Variants in NAPA observed in about 807,000 individuals in gnomAD.
NAPA encodes NSF attachment protein alpha, also known as alpha-soluble NSF attachment protein.
NAPA carries 18 observed loss-of-function variants against 48.0 expected under a neutral mutation model. The observed-to-expected ratio is 0.38, with a 90% CI of 0.26 to 0.56. NAPA has a LOEUF of 0.56. Among genes scored for constraint, NAPA ranks in the 20% least tolerant of loss-of-function variants. NAPA has a pLI of 0.77. For synonymous variants in NAPA, 152 were observed against 149.9 expected, an observed-to-expected ratio of 1.01 and a Z score of -0.10; for missense variants, 315 against 385.0, an observed-to-expected ratio of 0.82 and a Z score of 1.52.
chr19:47,513,511 G>A (rs1431755264), intron 1 of NAPA, among the ~76,000 whole-genome samples: 1 of 152,218 alleles, frequency 6.6e-6, no homozygotes, highest in African/African-American at 2.4e-5. Flanking sequence ...GTAAGTGGCA[G>A]AGCTACTTGG....
intron 4 of NAPA, among the ~76,000 whole-genome samples, chr19:47,494,120 G>A (rs1968354057): frequency 6.6e-6 from 1 of 152,150 alleles, no homozygotes; most frequent in South Asian, 2.1e-4. Context: ...CCCCCTTGCT[G>A]AGGGCAGTAG....
At chr19:47,486,595 C>G (rs1055631804), downstream of NAPA, among the ~76,000 whole-genome samples, 2 of 152,166 alleles carry the variant, frequency 1.3e-5, no homozygotes, top group Non-Finnish European at 2.9e-5. Flanking sequence ...GCCACAGCAC[C>G]CAGCCCCAAG....
intron 1 of NAPA, among the ~76,000 whole-genome samples, chr19:47,513,892 C>T (rs1968854354): frequency 7.1e-6 from 1 of 140,806 alleles, no homozygotes; most frequent in Non-Finnish European, 1.6e-5. Flanking sequence ...CTCTGTCCCC[C>T]AGGCTGTAGT....
At chr19:47,490,091 T>C (rs2122722388) in intron 9 of NAPA, among the ~76,000 whole-genome samples, 1 of 136,584 alleles carries the variant, frequency 7.3e-6, no homozygotes, top group South Asian at 2.4e-4. Flanking sequence ...TGTGTTGGGG[T>C]GTGGTGTGTA....
At chr19:47,495,774 G>C in intron 3 of NAPA, 178 bp from the exon 4 acceptor site, 1 of 625,874 alleles carries the variant, frequency 1.6e-6, no homozygotes, top group South Asian at 1.8e-5. Flanking sequence ...CGGAATCCCT[G>C]AGCCCCAGGA....
chr19:47,499,607 G>A (rs913478640), intron 3 of NAPA, among the ~76,000 whole-genome samples: 4 of 152,248 alleles, frequency 2.6e-5, no homozygotes, highest in Non-Finnish European at 1.5e-5. Flanking sequence ...TGAGGCCAAC[G>A]CATGAGATGC....
chr19:47,493,430 C>A lies in NAPA; in HGVS notation c.406G>T (p.Val136Leu). The A allele has an allele frequency of 2.5e-6, 4 of 1,614,066 alleles. No homozygotes were observed. The highest frequency in any genetic ancestry group is 3.4e-6 in the Non-Finnish European group (4 of 1,179,988). The part of the protein sequence containing the change: ...SIAEIYETEL[V>L]DIEKAIAHYE... The stretch of plus-strand genomic sequence containing the variant: ...CTGCCACTCACCTTCTCGATGTCCA[C>A]CAACTCTGTCTCATAGATCTCAGCA... Residue 136 changes from valine (V) to leucine (L), a missense_variant, in exon 5 of 11, where the codon GTG becomes TTG. By Grantham distance (32) the Val-to-Leu change is conservative. This residue lies in a region of NAPA where 173 missense variants were observed against 213.5 expected (regional missense o/e 0.81). Coordinates refer to ENST00000263354, the MANE Select transcript of NAPA (RefSeq NM_003827.4). The surrounding 1 kb of genome is among the most constrained non-coding windows in gnomAD (Gnocchi z 6.4).
rs139468544 is a variant in NAPA at position 47,510,922 on chromosome 19, G to A, written c.98+3921C>T. ...GCTTTGAGCTTCTCCTAACTGGCTG[G>A]TGCTGTCGCCTTCAGTGGCTGCTGG... On this transcript the variant is annotated intron_variant, in intron 1 of 10. Coordinates refer to ENST00000263354, the MANE Select transcript of NAPA (RefSeq NM_003827.4). Among the ~76,000 whole-genome samples, 828 of 152,348 alleles carry A rather than the reference G, an allele frequency of 5.4e-3. 5 individuals are homozygous for A. The highest frequency in any genetic ancestry group is 9.5e-3 in the Non-Finnish European group (643 of 68,028).
At chr19:47,492,863 G>A (rs754721188) in intron 7 of NAPA, 98 bp downstream of exon 7, 1 of 1,139,604 alleles carries the variant, frequency 8.8e-7, no homozygotes, top group South Asian at 1.2e-5. Context: ...GGGTGAGCCG[G>A]GGGAGGGGTG....
downstream of NAPA, among the ~76,000 whole-genome samples, chr19:47,485,143 T>C (rs2122709029): frequency 6.6e-6 from 1 of 152,302 alleles, no homozygotes; most frequent in Non-Finnish European, 1.5e-5. Context: ...GATAATCTGA[T>C]TCCTTACAAC....
intron 2 of NAPA, among the ~76,000 whole-genome samples, chr19:47,502,237 CAAAAAAAAAAA>C (rs55762206): frequency 3.2e-5 from 2 of 62,454 alleles, no homozygotes; most frequent in African/African-American, 7.1e-5. Context: ...AAGACTGTCT[CAAAAAAAAAAA>C]AAAAAAAAAA....
At chr19:47,486,250 G>C (rs963488007), downstream of NAPA, among the ~76,000 whole-genome samples, 2 of 152,092 alleles carry the variant, frequency 1.3e-5, no homozygotes, top group African/African-American at 2.4e-5. Flanking sequence ...AGCTACTCGG[G>C]AGACTGAGGC....
At chr19:47,498,619 A>G (rs1403102354) in intron 3 of NAPA, among the ~76,000 whole-genome samples, 1 of 152,024 alleles carries the variant, frequency 6.6e-6, no homozygotes, top group Non-Finnish European at 1.5e-5. Context: ...GGATCTCACT[A>G]TGTTGTCCAG....
At chr19:47,490,896 A>C in intron 8 of NAPA, 40 bp from the exon 9 acceptor site, 1 of 1,587,060 alleles carries the variant, frequency 6.3e-7, no homozygotes, top group Non-Finnish European at 8.6e-7. Flanking sequence ...TAGTAACAAG[A>C]GGGTCCTCAG....
At chr19:47,503,606 C>A in intron 1 of NAPA, 104 bp from the exon 2 acceptor site, 1 of 1,088,284 alleles carries the variant, frequency 9.2e-7, no homozygotes, top group Non-Finnish European at 1.4e-6. Flanking sequence ...CTACCCCTCA[C>A]CCTTCACCTG....
chr19:47,504,269 C>T (rs188669736), intron 1 of NAPA, among the ~76,000 whole-genome samples: 6 of 152,010 alleles, frequency 3.9e-5, no homozygotes, highest in Admixed American at 3.9e-4. Flanking sequence ...ATGGTGCACG[C>T]CTGTAGTCCT....
chr19:47,492,485 C>T (rs928989834), intron 7 of NAPA: 23 of 391,712 alleles, frequency 5.9e-5, no homozygotes, highest in Admixed American at 2.7e-4. Flanking sequence ...AGGCGGCGCC[C>T]GCCCCTCTCT....
At chr19:47,498,661 C>T (rs1968494518) in intron 3 of NAPA, among the ~76,000 whole-genome samples, 1 of 152,204 alleles carries the variant, frequency 6.6e-6, no homozygotes, top group South Asian at 2.1e-4. Context: ...TTGAGCGATC[C>T]TCCTGCCTCA....
At chr19:47,499,759 G>C (rs1968525427) in intron 3 of NAPA, among the ~76,000 whole-genome samples, 1 of 152,248 alleles carries the variant, frequency 6.6e-6, no homozygotes, top group African/African-American at 2.4e-5. Flanking sequence ...ATGTGAACCA[G>C]TGCTCACTGA....
Sources: allele counts gnomAD v4.1 joint callset (sites outside exome capture counted in the v4.1 genomes callset), GRCh38; gene constraint gnomAD v4.1.1; regional missense constraint gnomAD v4.1.1; non-coding constraint Gnocchi (gnomAD v3.1); transcripts MANE v1.5; gene names NCBI Gene and HGNC (gene_info 2026-07-23, HGNC 2026-07-21).